The following ARID3C variants were observed in gnomAD, a reference collection of about 807,000 sequenced individuals.
ARID3C encodes the protein AT-rich interactive domain-containing protein 3C.
Under a neutral mutation model 37.9 loss-of-function variants are expected in ARID3C, and 42 were observed. That is an observed-to-expected ratio of 1.11 (90% CI 0.87 to 1.43). The LOEUF (loss-of-function observed/expected upper bound fraction) is 1.43. ARID3C is among the 40% of genes most tolerant of loss of function. The probability of loss-of-function intolerance (pLI) is 0.00; values close to 1 mark genes in which losing one functional copy is unlikely to be tolerated. For missense variants in ARID3C, 581 were observed against 548.8 expected, an observed-to-expected ratio of 1.06 and a Z score of -0.59; for synonymous variants, 213 against 228.0, an observed-to-expected ratio of 0.93 and a Z score of 0.59.
upstream of ARID3C, among the ~76,000 whole-genome samples, chr9:34,631,028 G>T (rs895252880): frequency 1.3e-5 from 2 of 152,176 alleles, no homozygotes; most frequent in African/African-American, 2.4e-5. Flanking sequence ...AGACAGACAT[G>T]CCCTGGAAGT....
intron 2 of ARID3C, among the ~76,000 whole-genome samples, chr9:34,624,465 T>C (rs987537567): frequency 9.2e-5 from 14 of 152,216 alleles, no homozygotes; most frequent in Admixed American, 7.2e-4. Context: ...GCAGCTGGGT[T>C]TGGCCTGCAA....
intron 1 of ARID3C, among the ~76,000 whole-genome samples, chr9:34,627,054 G>A (rs1474064942): frequency 2.0e-5 from 3 of 152,280 alleles, no homozygotes; most frequent in South Asian, 2.1e-4. Context: ...TCTGAGTTGC[G>A]GAGGAGCCCT....
rs1409456724 is a variant in ARID3C, at chr9:34,627,966, C to T, written c.49G>A (p.Gly17Arg). 16 of 1,539,110 alleles carry T rather than the reference C, an allele frequency of 1.0e-5. No homozygotes were observed. The highest frequency in any genetic ancestry group is 1.4e-5 in the Non-Finnish European group (16 of 1,140,584). Residue 17 changes from glycine to arginine, a missense_variant, in exon 1 of 7, where the codon GGG (glycine) becomes AGG (arginine). Transcript: ENST00000378909. ...AGCGGGCATGCAGGGGCCAATGGCC[C>T]CACCCCCTGGGCCAGCCGAGCTGCC...
At chr9:34,621,647 T>A (rs1820563859) in intron 6 of ARID3C, 89 bp from the exon 8 acceptor site, 3 of 984,048 alleles carry the variant, frequency 3.0e-6, no homozygotes, top group Non-Finnish European at 4.5e-6. Flanking sequence ...AAAGTAAGTG[T>A]TCTGGTTGCT....
In ARID3C at chr9:34,627,677, A is replaced by C; in HGVS notation, c.318+20T>G. On this transcript the variant is annotated intron_variant, in intron 1 of 6. Transcript: ENST00000378909. ...AGAGAGATAGGGAAGAGGGCCGGAC[A>C]TTGAGGGCATAGGTCCTACCTGCTT... The C allele has an allele frequency of 6.4e-7, 1 of 1,569,134 alleles. No individual in the cohort carries two copies. The highest frequency in any genetic ancestry group is 1.7e-4 in the Middle Eastern group (1 of 5,826).
At chr9:34,631,018 A>C (rs2132317725), upstream of ARID3C, among the ~76,000 whole-genome samples, 1 of 152,310 alleles carries the variant, frequency 6.6e-6, no homozygotes, top group East Asian at 1.9e-4. Context: ...TGTGCCAGGC[A>C]GACAGACATG....
upstream of ARID3C, among the ~76,000 whole-genome samples, chr9:34,628,774 G>A (rs886981608): frequency 6.6e-6 from 1 of 152,214 alleles, no homozygotes; most frequent in Non-Finnish European, 1.5e-5. This position sits in a 1 kb window ranked among gnomAD's most constrained non-coding sequence, Gnocchi z 5.2. Flanking sequence ...CCGGAGAGAG[G>A]GGCAGAGGAC....
chr9:34,627,983 C>G, exon 1 of ARID3C: 2 of 1,518,224 alleles, frequency 1.3e-6, no homozygotes, highest in Middle Eastern at 1.7e-4. Flanking sequence ...CTGGGCCAGC[C>G]GAGCTGCCTG....
At chr9:34,628,320 G>A (rs1057101689), upstream of ARID3C, among the ~76,000 whole-genome samples, 1 of 152,184 alleles carries the variant, frequency 6.6e-6, no homozygotes, top group African/African-American at 2.4e-5. The surrounding 1 kb of genome is among the most constrained non-coding windows in gnomAD (Gnocchi z 5.2). Context: ...GAGACATCGG[G>A]AAATGGTGAA....
rs1404790821 is a variant in ARID3C at position 34,627,848 on chromosome 9, G to T, written c.167C>A (p.Ala56Asp). The T allele has an allele frequency of 3.7e-6, 6 of 1,602,820 alleles. No homozygotes were observed. The East Asian group carries it at 1.4e-4, about 36-fold the overall frequency. Residue 56 changes from alanine (A) to aspartate (D), a missense_variant, in exon 1 of 7, where the codon GCT becomes GAT. Physicochemically the swap from Ala to Asp is moderately radical, Grantham distance 126. Coordinates refer to ENST00000378909, the Ensembl canonical transcript of ARID3C. ...CTCCCGCTTCTCCTCATCTTCTTCA[G>T]CATCTTCCTCTTCCTCAGCCCCAAC...
rs760981388 is a variant in ARID3C at position 34,622,160 on chromosome 9, C to T, written c.1049-51G>A. 7.5e-6 allele frequency: 12 copies of T among 1,607,372 alleles called. No individual in the cohort carries two copies. In the South Asian group the frequency reaches 1.2e-4, roughly 16 times the overall value. ...ACATTTTGGAGAATCAGACTTCTGA[C>T]TTATTAATAGAATTTCCCCCCTCCA... On this transcript the variant is annotated intron_variant, in intron 5 of 6. Coordinates refer to ENST00000378909, the Ensembl canonical transcript of ARID3C.
At chr9:34,623,956 C>T (rs760106650) in exon 3 of ARID3C, 1 of 1,605,768 alleles carries the variant, frequency 6.2e-7, no homozygotes, top group South Asian at 1.1e-5. Context: ...TGATGACTTC[C>T]ACCAGGCCGC....
chr9:34,624,707 T>C (rs1370496431), intron 2 of ARID3C, among the ~76,000 whole-genome samples: 1 of 152,152 alleles, frequency 6.6e-6, no homozygotes, highest in Non-Finnish European at 1.5e-5. Flanking sequence ...CCCAGTTAAT[T>C]CCTTACCGAT....
chr9:34,628,151 G>A (rs1017379028), upstream of ARID3C: 13 of 1,206,092 alleles, frequency 1.1e-5, no homozygotes, highest in Admixed American at 3.0e-4. This position sits in a 1 kb window ranked among gnomAD's most constrained non-coding sequence, Gnocchi z 5.2. Flanking sequence ...CACAGGGGGA[G>A]GTGGTCATGG....
At chr9:34,621,129 T>C (rs1307677558), downstream of ARID3C, among the ~76,000 whole-genome samples, 4 of 152,144 alleles carry the variant, frequency 2.6e-5, no homozygotes, top group Non-Finnish European at 4.4e-5. Flanking sequence ...ACCTTTCACT[T>C]GGCTCCTGAA....
intron 3 of ARID3C, 75 bp from the exon 5 acceptor site, chr9:34,623,789 C>T (rs1217639654): frequency 2.0e-6 from 3 of 1,502,328 alleles, no homozygotes; most frequent in Admixed American, 2.0e-5. Flanking sequence ...CGGACGCCCG[C>T]CCGGGGACCC....
intron 2 of ARID3C, 83 bp downstream of exon 3, chr9:34,625,659 T>A (rs1402250791): frequency 6.6e-7 from 1 of 1,509,326 alleles, no homozygotes. Flanking sequence ...AGCTCAGGCC[T>A]CAGCAGGGAG....
rs747862049 is a variant in ARID3C, at chr9:34,624,073, G to A, written c.392-26C>T. 19 of 1,555,626 alleles carry A rather than the reference G, an allele frequency of 1.2e-5. No homozygotes were observed. The Admixed American group carries it at 1.6e-4, about 13-fold the overall frequency. On this transcript the variant is annotated intron_variant, in intron 2 of 6. Coordinates refer to ENST00000378909, the Ensembl canonical transcript of ARID3C. ...CTGGTGGGGAGCGGGCTGCCGTCAG[G>A]ACACTGAGACGAAGACCCTGTCTGC... is the stretch of plus-strand genomic sequence containing the variant.
At chr9:34,623,841 T>C in intron 3 of ARID3C, 23 bp downstream of exon 4, 1 of 1,548,904 alleles carries the variant, frequency 6.5e-7, no homozygotes, top group Non-Finnish European at 8.7e-7. Context: ...CCCCTTCCCT[T>C]CCGCTCCCGC....
Sources: allele counts gnomAD v4.1 joint callset (sites outside exome capture counted in the v4.1 genomes callset), GRCh38; gene constraint gnomAD v4.1.1; non-coding constraint Gnocchi (gnomAD v3.1); transcripts MANE v1.5; gene names NCBI Gene and HGNC (gene_info 2026-07-23, HGNC 2026-07-21).